METAP1: variants seen among roughly 807,000 people sequenced by gnomAD.
METAP1 encodes methionine aminopeptidase 1.
Under a neutral mutation model 53.8 loss-of-function variants are expected in METAP1, and 28 were observed. The ratio of observed to expected loss-of-function variants is 0.52; its 90% CI spans 0.39 to 0.71. The LOEUF (loss-of-function observed/expected upper bound fraction) is 0.71, where lower values mean the gene tolerates loss of function less well. Ranked by LOEUF, METAP1 falls within the 30% of genes least tolerant of loss-of-function variation. The pLI, the probability that METAP1 is intolerant of heterozygous loss-of-function variation, is 0.00. For synonymous variants in METAP1, 181 were observed against 165.7 expected (o/e 1.09, Z -0.71); for missense variants, 389 against 479.8 (o/e 0.81, Z 1.77).
Position 99,061,536 on chromosome 4 carries a change from C to A in METAP1, c.*219C>A. On this transcript the variant is annotated 3_prime_UTR_variant, in exon 11 of 11. Coordinates refer to ENST00000296411, the MANE Select transcript of METAP1 (RefSeq NM_015143.3). ...ATTGCTCAACTCTTCAGCCCCCTCC[C>A]CCTGCACACCTGTTTTCTCATTTGC... 2.6e-6 allele frequency: 1 copy of A among 383,394 alleles called. No individual in the cohort carries two copies. Among genetic ancestry groups the A allele is most frequent in the Non-Finnish European group, 4.6e-6 (1 of 217,974 alleles). The allele number at this position is 383,394 out of a possible 1,614,324, so 23.7% of individuals were successfully genotyped here. A position where few individuals can be genotyped will look rare whatever the true frequency, so the allele number is the denominator to read the frequency against.
intron 1 of METAP1, chr4:99,023,011 T>A: frequency 6.9e-7 from 1 of 1,459,562 alleles, no homozygotes; most frequent in Non-Finnish European, 9.2e-7. Context: ...CACTACCCGC[T>A]TCTTGCTGCC....
intron 1 of METAP1, among the ~76,000 whole-genome samples, chr4:99,015,499 T>G (rs965786712): frequency 6.6e-6 from 1 of 152,202 alleles, no homozygotes; most frequent in Non-Finnish European, 1.5e-5. Context: ...TCAGGGGAAA[T>G]GCTTCCTTAT....
intron 1 of METAP1, among the ~76,000 whole-genome samples, chr4:99,012,271 T>G (rs1424302650): frequency 3.6e-4 from 4 of 11,114 alleles, no homozygotes; most frequent in African/African-American, 1.7e-3. Flanking sequence ...TAATGTGAGT[T>G]TTTTTTTTTT....
At chr4:99,048,062 T>A (rs1726399817) in intron 8 of METAP1, among the ~76,000 whole-genome samples, 2 of 152,210 alleles carry the variant, frequency 1.3e-5, no homozygotes, top group Non-Finnish European at 2.9e-5. Context: ...TAGTGCACTT[T>A]CTTATCTCTT....
intron 10 of METAP1, among the ~76,000 whole-genome samples, chr4:99,060,906 A>T (rs1239271792): frequency 6.6e-6 from 1 of 152,242 alleles, no homozygotes; most frequent in African/African-American, 2.4e-5. Flanking sequence ...AATGAAATCC[A>T]GCGCCTTTAT....
At position 98,998,854 on chromosome 4, in the gene METAP1, A is replaced by G. The variant is rs559077714; in HGVS notation, c.114+2987A>G. ...AGACGGAGTTTCGCTTTTGTTGCCC[A>G]GGCTGGAGTGCAATGGTGCGATCTC... On this transcript the variant is annotated intron_variant, in intron 1 of 10. Coordinates refer to ENST00000296411, the MANE Select transcript of METAP1 (RefSeq NM_015143.3). Among the ~76,000 whole-genome samples the G allele has an allele frequency of 1.4e-3, 211 of 151,072 alleles. 1 individual carries two copies. The highest frequency in any genetic ancestry group is 4.6e-3 in the African/African-American group (187 of 41,060).
intron 1 of METAP1, among the ~76,000 whole-genome samples, chr4:99,027,218 A>G (rs1230622390): frequency 6.6e-6 from 1 of 152,238 alleles, no homozygotes; most frequent in African/African-American, 2.4e-5. Context: ...AACCAGATTA[A>G]TAGGAGAAAT....
intron 6 of METAP1, among the ~76,000 whole-genome samples, chr4:99,041,850 T>C (rs1420760660): frequency 1.3e-5 from 2 of 148,222 alleles, no homozygotes; most frequent in African/African-American, 5.3e-5. Context: ...GATTTGACAA[T>C]CTATCTTGAG....
At chr4:99,057,580 A>C (rs899067196) in intron 9 of METAP1, among the ~76,000 whole-genome samples, 173 bp from the exon 10 acceptor site, 1 of 152,208 alleles carries the variant, frequency 6.6e-6, no homozygotes, top group Non-Finnish European at 1.5e-5. Context: ...TACGTGCACC[A>C]TATTAGATGG....
chr4:99,007,166 G>A (rs1723214407), intron 1 of METAP1, among the ~76,000 whole-genome samples: 2 of 151,844 alleles, frequency 1.3e-5, no homozygotes, highest in African/African-American at 2.4e-5. Flanking sequence ...TATGTTGCCC[G>A]GGCTGCTGTC....
intron 7 of METAP1, among the ~76,000 whole-genome samples, chr4:99,044,473 C>G (rs1560727617): frequency 6.6e-6 from 1 of 152,028 alleles, no homozygotes; most frequent in Non-Finnish European, 1.5e-5. Flanking sequence ...CCCTGTTTTT[C>G]AAATATAAAG....
intron 1 of METAP1, among the ~76,000 whole-genome samples, chr4:99,020,118 A>G (rs1724002886): frequency 6.6e-6 from 1 of 152,140 alleles, no homozygotes; most frequent in African/African-American, 2.4e-5. Flanking sequence ...CCAGGCCCCC[A>G]TAGCAGCTCT....
chr4:99,019,080 T>G (rs1723939131), intron 1 of METAP1, among the ~76,000 whole-genome samples: 1 of 152,224 alleles, frequency 6.6e-6, no homozygotes, highest in South Asian at 2.1e-4. Context: ...GCTTCAGGAA[T>G]TAATGGAAAT....
At chr4:99,034,003 T>G (rs1172239105) in intron 2 of METAP1, among the ~76,000 whole-genome samples, 1 of 152,200 alleles carries the variant, frequency 6.6e-6, no homozygotes, top group Non-Finnish European at 1.5e-5. Context: ...TCCAAGACCT[T>G]TAGATCTTCA....
chr4:99,004,001 A>G (rs889451676), intron 1 of METAP1, among the ~76,000 whole-genome samples: 1 of 152,172 alleles, frequency 6.6e-6, no homozygotes, highest in African/African-American at 2.4e-5. Flanking sequence ...TGGGGTTCTC[A>G]TGGCTCCCCC....
intron 1 of METAP1, among the ~76,000 whole-genome samples, chr4:98,998,836 G>GT (rs1475985473): frequency 3.3e-5 from 5 of 150,732 alleles, no homozygotes; most frequent in Non-Finnish European, 1.5e-5. Context: ...TTGAGACGGA[G>GT]TTTCGCTTTT....
chr4:99,038,082 A>G (rs1204454085), intron 4 of METAP1: 2 of 151,770 alleles, frequency 1.3e-5, no homozygotes, highest in Non-Finnish European at 2.9e-5. Flanking sequence ...TAGCTTCTGT[A>G]TTTTTTAGCT....
chr4:99,030,038 A>G (rs1263876373), intron 2 of METAP1, among the ~76,000 whole-genome samples: 1 of 152,178 alleles, frequency 6.6e-6, no homozygotes, highest in African/African-American at 2.4e-5. Context: ...ATGGATTTAA[A>G]TAATCTCACT....
rs138418171 is a variant in METAP1 at position 99,054,544 on chromosome 4, A to T, written c.932-3209A>T. 7.2e-3 allele frequency among the ~76,000 whole-genome samples: 1,094 copies of T among 152,322 alleles called. 8 individuals are homozygous for T. Among genetic ancestry groups the T allele is most frequent in the African/African-American group, 0.025 (1,035 of 41,576 alleles). ...TTTCTTGCATTTGTGGGTTCAGTGA[A>T]GTAGCGCTTTCAATTTCCTTCAAGA... is the stretch of plus-strand genomic sequence containing the variant. On this transcript the variant is annotated intron_variant, in intron 9 of 10. Coordinates refer to ENST00000296411, the MANE Select transcript of METAP1 (RefSeq NM_015143.3).
Sources: allele counts gnomAD v4.1 joint callset (sites outside exome capture counted in the v4.1 genomes callset), GRCh38; gene constraint gnomAD v4.1.1; transcripts MANE v1.5; gene names NCBI Gene and HGNC (gene_info 2026-07-23, HGNC 2026-07-21).